INSIG1: variants seen among roughly 807,000 people sequenced by gnomAD.
INSIG1 encodes the protein insulin-induced gene 1 protein.
In INSIG1, 14 loss-of-function variants were observed where a neutral mutation model predicts 26.5. The observed-to-expected ratio is 0.53, with a 90% CI of 0.35 to 0.83. The LOEUF is 0.83. Ranked by LOEUF, INSIG1 falls within the 40% of genes least tolerant of loss-of-function variation. INSIG1 has a pLI of 0.01. For synonymous variants in INSIG1, 147 were observed against 153.3 expected (o/e 0.96, Z 0.30); for missense variants, 272 against 368.9 (o/e 0.74, Z 2.15).
At chr7:155,305,061 G>A (rs1797900548) in intron 5 of INSIG1, among the ~76,000 whole-genome samples, 1 of 151,254 alleles carries the variant, frequency 6.6e-6, no homozygotes, top group Non-Finnish European at 1.5e-5. Context: ...CAGGAGAATG[G>A]CGTGAACCCG....
chr7:155,305,452 C>T (rs1283701470), intron 5 of INSIG1, among the ~76,000 whole-genome samples: 2 of 152,170 alleles, frequency 1.3e-5, no homozygotes, highest in Non-Finnish European at 2.9e-5. Flanking sequence ...TGCGTGTTTT[C>T]TCCCAGGGCA....
In INSIG1 at chr7:155,310,184, A is replaced by G. The variant is rs762265378; in HGVS notation, c.*1914A>G. 1.4e-4 allele frequency: 21 copies of G among 152,638 alleles called. No homozygotes were observed. Among genetic ancestry groups the G allele is most frequent in the Non-Finnish European group, 2.6e-4 (18 of 68,044 alleles). The allele number at this position is 152,638 out of a possible 1,614,324, so 9.5% of individuals were successfully genotyped here. On this transcript the variant is annotated 3_prime_UTR_variant, in exon 6 of 6. Transcript: ENST00000340368. ...TTCACATTCATACTAAGTTTTCAACATTGTGTTCTTTTTGCATTCATTTTT... is the reference window on the plus strand; with the variant it reads ...TTCACATTCATACTAAGTTTTCAACGTTGTGTTCTTTTTGCATTCATTTTT...
rs928416631 is a variant in INSIG1, at chr7:155,298,438, C to A, written c.153C>A (p.His51Gln). 1.9e-6 allele frequency: 3 copies of A among 1,554,652 alleles called. No homozygotes were observed. The highest frequency in any genetic ancestry group is 2.7e-5 in the African/African-American group (2 of 73,650). The change falls in exon 2 of 6, where the codon CAC (histidine) becomes CAA (glutamine). Residue 51 changes from histidine (H) to glutamine (Q), a missense_variant. Physicochemically the swap from His to Gln is conservative, Grantham distance 24 (BLOSUM62 0). Around this residue, in one of 2 missense-constraint regions of INSIG1, gnomAD observed 161 missense variants for 179.2 expected, o/e 0.90. Transcript: ENST00000340368. The part of the protein sequence containing the change: ...SVSGPSLLAA[H>Q]GAPDADPAPR... ...CCGGGCCCTCCCTGCTGGCGGCCCA[C>A]GGTGCCCCGGACGCTGACCCCGCGC...
rs1798036031 is a variant in INSIG1, at chr7:155,309,803, T to A, written c.*1533T>A. On this transcript the variant is annotated 3_prime_UTR_variant, in exon 6 of 6. Transcript: ENST00000340368. ...AATTTTGTTTTTTAAAAAAATAGGA[T>A]CATTCTGAACTTTGGAATGACCCCC... 6.6e-6 allele frequency: 1 copy of A among 152,284 alleles called. No individual in the cohort carries two copies. The highest frequency in any genetic ancestry group is 6.5e-5 in the Admixed American group (1 of 15,270). The allele number at this position is 152,284 out of a possible 1,614,324, so 9.4% of individuals were successfully genotyped here. A position where few individuals can be genotyped will look rare whatever the true frequency, so the allele number is the denominator to read the frequency against.
At position 155,298,500 on chromosome 7, in the gene INSIG1, C is replaced by T; in HGVS notation, c.215C>T (p.Pro72Leu). 1.3e-6 allele frequency: 2 copies of T among 1,577,156 alleles called. No homozygotes were observed. Among genetic ancestry groups the T allele is most frequent in the Non-Finnish European group, 1.7e-6 (2 of 1,162,440 alleles). Residue 72 changes from proline to leucine, a missense_variant, in exon 2 of 6, where the codon CCC becomes CTC. Coordinates refer to ENST00000340368, the MANE Select transcript of INSIG1 (RefSeq NM_005542.6). ...AGTGCTGCGATGAGCGGCCCCGAGC[C>T]CGGCAGCCCCTACCCCAACACCTGG... ...GRSAAMSGPEPGSPYPNTWHH... is the reference protein window; with the variant it reads ...GRSAAMSGPELGSPYPNTWHH...
At position 155,302,690 on chromosome 7, in the gene INSIG1, G is replaced by A; in HGVS notation, c.705-57G>A. ...ATCCCCACTACAGAGAATCTGTGAT[G>A]TAGAATTGAGCCAGGTGAAATTGAC... On this transcript the variant is annotated intron_variant, in intron 4 of 5. Transcript: ENST00000340368. This position sits in a 1 kb window ranked among gnomAD's most constrained non-coding sequence, Gnocchi z 4.3. 1.7e-6 allele frequency: 2 copies of A among 1,184,866 alleles called. No homozygotes were observed. The highest frequency in any genetic ancestry group is 2.3e-5 in the East Asian group (1 of 42,828). 73.4% of individuals were successfully genotyped at this position (1,184,866 alleles called of 1,614,324 possible).
rs771423871 is a variant in INSIG1 at position 155,298,476 on chromosome 7, G to A, written c.191G>A (p.Ser64Asn). 6.4e-7 allele frequency: 1 copy of A among 1,563,098 alleles called. No individual in the cohort carries two copies. The highest frequency in any genetic ancestry group is 1.2e-5 in the South Asian group (1 of 86,574). The change falls in exon 2 of 6, where the codon AGT becomes AAT. Residue 64 changes from serine (S) to asparagine (N), a missense_variant. This residue lies in a region of INSIG1 where 161 missense variants were observed against 179.2 expected (regional missense o/e 0.90). Coordinates refer to ENST00000340368, the MANE Select transcript of INSIG1 (RefSeq NM_005542.6). ...GCTGACCCCGCGCCCAGGGGCCGCAGTGCTGCGATGAGCGGCCCCGAGCCC... is the reference window on the plus strand; with the variant it reads ...GCTGACCCCGCGCCCAGGGGCCGCAATGCTGCGATGAGCGGCCCCGAGCCC... ...PDADPAPRGR[S>N]AAMSGPEPGS...
Position 155,302,211 on chromosome 7 carries a change from TAA to T in INSIG1, c.538-39_538-38del, listed in dbSNP as rs1797808715. On this transcript the variant is annotated intron_variant, in intron 3 of 5. Transcript: ENST00000340368. The surrounding 1 kb of genome is among the most constrained non-coding windows in gnomAD (Gnocchi z 4.3). ...GTGGTTTTACGTTTTTTTATCTTAA[TAA>T]GAGTCAGCAAACTTTTCCTTAACTT... 2 of 1,513,788 alleles carry T rather than the reference TAA, an allele frequency of 1.3e-6. No homozygotes were observed. The highest frequency in any genetic ancestry group is 1.8e-6 in the Non-Finnish European group (2 of 1,128,900). 93.8% of individuals were successfully genotyped at this position (1,513,788 alleles called of 1,614,324 possible). A position where few individuals can be genotyped will look rare whatever the true frequency, so the allele number is the denominator to read the frequency against.
Position 155,298,356 on chromosome 7 carries a change from G to A in INSIG1, c.71G>A (p.Arg24Gln), listed in dbSNP as rs1184909326. 4.0e-6 allele frequency: 6 copies of A among 1,512,000 alleles called. No homozygotes were observed. The South Asian group carries it at 8.0e-5, about 20-fold the overall frequency. 93.7% of individuals were successfully genotyped at this position (1,512,000 alleles called of 1,614,324 possible). A position where few individuals can be genotyped will look rare whatever the true frequency, so the allele number is the denominator to read the frequency against. Residue 24 changes from arginine (R) to glutamine (Q), a missense_variant, in exon 2 of 6, where the codon CGA becomes CAA. Physicochemically the swap from Arg to Gln is conservative, Grantham distance 43. Coordinates refer to ENST00000340368, the MANE Select transcript of INSIG1 (RefSeq NM_005542.6). ...AGCGCGAGGCGCCGAGGCCCCCCGC[G>A]AGCCAGCGCCGCGGGGCTGGCGGCC... Reference protein sequence around the residue: ...AHSARRRGPPRASAAGLAAKV... With the variant: ...AHSARRRGPPQASAAGLAAKV...
chr7:155,302,408 G>C lies in INSIG1; in HGVS notation c.695G>C (p.Gly232Ala). The change falls in exon 4 of 6, where the codon GGT becomes GCT. Residue 232 changes from glycine (G) to alanine (A), a missense_variant. Around this residue, in one of 2 missense-constraint regions of INSIG1, gnomAD observed 111 missense variants for 189.8 expected, o/e 0.58. Coordinates refer to ENST00000340368, the MANE Select transcript of INSIG1 (RefSeq NM_005542.6). This position sits in a 1 kb window ranked among gnomAD's most constrained non-coding sequence, Gnocchi z 4.3. ...ATCACGCAGTTTCTCGTGTATAATGGTGTCTATCAGTAAGTGTGTGTTTTC... is the reference window on the plus strand; with the variant it reads ...ATCACGCAGTTTCTCGTGTATAATGCTGTCTATCAGTAAGTGTGTGTTTTC... ...TLITQFLVYN[G>A]VYQYTSPDFL... The C allele has an allele frequency of 6.3e-7, 1 of 1,595,350 alleles. No homozygotes were observed. The highest frequency in any genetic ancestry group is 8.5e-7 in the Non-Finnish European group (1 of 1,173,732).
intron 5 of INSIG1, chr7:155,303,978 T>A: frequency 2.1e-4 from 5 of 23,380 alleles, no homozygotes; most frequent in Non-Finnish European, 3.9e-4. Context: ...TTGCTTGCCT[T>A]TTTTTTTTTT....
intron 5 of INSIG1, among the ~76,000 whole-genome samples, chr7:155,305,830 A>T (rs1442973518): frequency 6.6e-6 from 1 of 152,242 alleles, no homozygotes; most frequent in African/African-American, 2.4e-5. Context: ...TTGCAAGAAT[A>T]ACCATGCTCA....
rs1473728473 is a variant in INSIG1 at position 155,309,688 on chromosome 7, G to A, written c.*1418G>A. On this transcript the variant is annotated 3_prime_UTR_variant, in exon 6 of 6. Coordinates refer to ENST00000340368, the MANE Select transcript of INSIG1 (RefSeq NM_005542.6). The stretch of plus-strand genomic sequence containing the variant: ...TGGTCTTTGTGTTTGGTTTTGTGAT[G>A]TAACGATCTTTGCTGGGGTTTTTTG... 3 of 152,178 alleles carry A rather than the reference G, an allele frequency of 2.0e-5. No individual in the cohort carries two copies. The highest frequency in any genetic ancestry group is 4.4e-5 in the Non-Finnish European group (3 of 68,030). 9.4% of individuals were successfully genotyped at this position (152,178 alleles called of 1,614,324 possible).
At position 155,308,363 on chromosome 7, in the gene INSIG1, T is replaced by C. The variant is rs1488611165; in HGVS notation, c.*93T>C. On this transcript the variant is annotated 3_prime_UTR_variant, in exon 6 of 6. Coordinates refer to ENST00000340368, the MANE Select transcript of INSIG1 (RefSeq NM_005542.6). ...AAAGATTATCTTTTTTCTTAAGTAA[T>C]CTATTTAGATCGGGCTGACTGTACA... The C allele has an allele frequency of 1.4e-6, 2 of 1,428,224 alleles. No homozygotes were observed. Among genetic ancestry groups the C allele is most frequent in the South Asian group, 1.1e-5 (1 of 87,198 alleles). 88.5% of individuals were successfully genotyped at this position (1,428,224 alleles called of 1,614,324 possible). A position where few individuals can be genotyped will look rare whatever the true frequency, so the allele number is the denominator to read the frequency against.
At chr7:155,298,986 C>A (rs1797712157) in intron 2 of INSIG1, among the ~76,000 whole-genome samples, 1 of 152,184 alleles carries the variant, frequency 6.6e-6, no homozygotes, top group African/African-American at 2.4e-5. Context: ...TGACTGAGGG[C>A]CCTTCCCTCC....
In INSIG1 at chr7:155,298,489, C is replaced by T. The variant is rs1254840751; in HGVS notation, c.204C>T (p.Ser68=). The T allele has an allele frequency of 1.3e-6, 2 of 1,567,400 alleles. No individual in the cohort carries two copies. The highest frequency in any genetic ancestry group is 1.2e-5 in the South Asian group (1 of 86,914). The change falls in exon 2 of 6, where the codon AGC becomes AGT. Residue 68 remains serine (S), a synonymous_variant. Transcript: ENST00000340368. ...CCAGGGGCCGCAGTGCTGCGATGAGCGGCCCCGAGCCCGGCAGCCCCTACC... is the reference window on the plus strand; with the variant it reads ...CCAGGGGCCGCAGTGCTGCGATGAGTGGCCCCGAGCCCGGCAGCCCCTACC... ...PAPRGRSAAM[S]GPEPGSPYPN...
At chr7:155,307,233 G>A (rs1797960902) in intron 5 of INSIG1, among the ~76,000 whole-genome samples, 1 of 152,212 alleles carries the variant, frequency 6.6e-6, no homozygotes, top group Admixed American at 6.5e-5. Flanking sequence ...TGTCCCCAGG[G>A]TAGTAACTGG....
Position 155,308,745 on chromosome 7 carries a change from A to C in INSIG1, c.*475A>C, listed in dbSNP as rs1129887. 2.1e-3 allele frequency: 341 copies of C among 159,184 alleles called. 1 individual carries two copies. Among genetic ancestry groups the C allele is most frequent in the Non-Finnish European group, 3.7e-3 (262 of 71,488 alleles). The allele number at this position is 159,184 out of a possible 1,614,324, so 9.9% of individuals were successfully genotyped here. On this transcript the variant is annotated 3_prime_UTR_variant, in exon 6 of 6. Transcript: ENST00000340368. ...TAAAAATAGGGCTGTGTTTAAAAAA[A>C]AAAACAAAACAAGAAAAGCAGCAGT...
chr7:155,303,999 G>A, intron 5 of INSIG1: 2 of 297,728 alleles, frequency 6.7e-6, no homozygotes, highest in Non-Finnish European at 1.1e-5. Flanking sequence ...TTTTTTTTTT[G>A]AGACAGAGCT....
Sources: gnomAD v4.1 joint callset for allele counts (sites outside exome capture counted in the v4.1 genomes callset) on GRCh38, gnomAD v4.1.1 for gene constraint, gnomAD v4.1.1 regional missense constraint, Gnocchi (gnomAD v3.1) non-coding constraint, MANE v1.5 for transcripts, NCBI Gene and HGNC (gene_info 2026-07-23, HGNC 2026-07-21) for gene names.